The following FHOD3 variants were observed in gnomAD, a reference collection of about 807,000 sequenced individuals.
FHOD3 encodes formin homology 2 domain containing 3.
In FHOD3, 90 loss-of-function variants were observed where a neutral mutation model predicts 173.0. The ratio of observed to expected loss-of-function variants is 0.52; its 90% confidence interval spans 0.44 to 0.62. FHOD3 has a LOEUF of 0.62. Ranked by LOEUF, FHOD3 falls within the 20% of genes least tolerant of loss-of-function variation. The pLI is 0.00. For missense variants in FHOD3, 1,945 were observed against 2,034.7 expected, an observed-to-expected ratio of 0.96 and a Z score of 0.85; for synonymous variants, 828 against 823.0, an observed-to-expected ratio of 1.01 and a Z score of -0.10.
At chr18:36,299,881 C>T (rs1349249681) in intron 1 of FHOD3, among the ~76,000 whole-genome samples, 2 of 152,226 alleles carry the variant, frequency 1.3e-5, no homozygotes, top group Non-Finnish European at 2.9e-5. Flanking sequence ...TTGTTTTTCC[C>T]ATCTACAGCA....
In FHOD3 at chr18:36,717,750, G is replaced by A. The variant is rs79570519; in HGVS notation, c.2534-82G>A. On this transcript the variant is annotated intron_variant, in intron 18 of 28. Coordinates refer to ENST00000590592, the MANE Select transcript of FHOD3 (RefSeq NM_001281740.3). The stretch of plus-strand genomic sequence containing the variant: ...TCTCTGAAGTCACTCCCATGTGTCA[G>A]GCTCACTTATTCTCATCGATTCTCT... 2.7e-3 allele frequency: 4,028 copies of A among 1,492,144 alleles called. 95 individuals carry two copies. The African/African-American group carries it at 0.051, about 19-fold the overall frequency. 92.4% of individuals were successfully genotyped at this position (1,492,144 alleles called of 1,614,324 possible).
intron 3 of FHOD3, among the ~76,000 whole-genome samples, chr18:36,489,569 C>T (rs930641365): frequency 2.6e-5 from 4 of 151,910 alleles, no homozygotes; most frequent in South Asian, 2.1e-4. Context: ...CTACTTGGGA[C>T]GCTAAGGTGG....
At chr18:36,446,110 G>A (rs767590599) in intron 3 of FHOD3, among the ~76,000 whole-genome samples, 6 of 152,158 alleles carry the variant, frequency 3.9e-5, no homozygotes, top group Non-Finnish European at 8.8e-5. Flanking sequence ...CTGAGAAATA[G>A]TCCACAATTA....
chr18:36,706,067 G>A (rs749974545), intron 17 of FHOD3, among the ~76,000 whole-genome samples: 1 of 151,258 alleles, frequency 6.6e-6, no homozygotes, highest in East Asian at 2.0e-4. Flanking sequence ...TCTGGAGTTC[G>A]GTGTGGAGTC....
rs2038239049 is a variant in FHOD3, at chr18:36,681,558, GAAAC to G, written c.1962_1965del (p.Lys655SerfsTer6). ...TTGCAGAGAATAGAGCGGGAAGAAA[GAAAC>G]AAATTCAGGTAAGAAGGATCTTAAG... On this transcript the variant is annotated frameshift_variant, in exon 15 of 29. Transcript: ENST00000590592. LOFTEE classifies it high-confidence loss of function. 6.2e-7 allele frequency: 1 copy of G among 1,613,474 alleles called. No individual in the cohort carries two copies. The highest frequency in any genetic ancestry group is 8.5e-7 in the Non-Finnish European group (1 of 1,179,712).
chr18:36,690,086 C>T (rs987349383), intron 16 of FHOD3, among the ~76,000 whole-genome samples: 8 of 152,008 alleles, frequency 5.3e-5, no homozygotes, highest in African/African-American at 1.9e-4. Context: ...TGAGCTCTGG[C>T]GGATGTTGGA....
In FHOD3 at chr18:36,772,016, C is replaced by T. The variant is rs373130556; in HGVS notation, c.4786+2590C>T. On this transcript the variant is annotated intron_variant, in intron 28 of 28. Coordinates refer to ENST00000590592, the MANE Select transcript of FHOD3 (RefSeq NM_001281740.3). ...CATAATGTCACTGGGCACAATAACG[C>T]GGTCATAATTAATTTTCCTCTTCAA... Among the ~76,000 whole-genome samples the T allele has an allele frequency of 1.1e-4, 17 of 152,262 alleles. No individual in the cohort carries two copies. In the South Asian group the frequency reaches 1.9e-3, roughly 17 times the overall value.
At chr18:36,450,508 G>A (rs1425280599) in intron 3 of FHOD3, among the ~76,000 whole-genome samples, 1 of 151,644 alleles carries the variant, frequency 6.6e-6, no homozygotes, top group Non-Finnish European at 1.5e-5. Flanking sequence ...AAAACTCCCT[G>A]AGGCCAGGCA....
chr18:36,301,801 A>G (rs1166590614), intron 1 of FHOD3, among the ~76,000 whole-genome samples: 1 of 152,274 alleles, frequency 6.6e-6, no homozygotes, highest in Non-Finnish European at 1.5e-5. Flanking sequence ...CAACACTGGA[A>G]CTGTAGAATA....
chr18:36,653,495 A>G (rs2036205742), intron 13 of FHOD3, 79 bp downstream of exon 13: 2 of 1,041,952 alleles, frequency 1.9e-6, no homozygotes, highest in South Asian at 2.9e-5. Flanking sequence ...TTTTCAAAGA[A>G]TGCTAATATC....
chr18:36,494,813 C>T (rs1165734207), intron 3 of FHOD3, among the ~76,000 whole-genome samples: 3 of 152,124 alleles, frequency 2.0e-5, no homozygotes, highest in African/African-American at 7.2e-5. Flanking sequence ...TGATCTCAGC[C>T]CCCATTTCTG....
At chr18:36,340,267 G>T (rs1468632180) in intron 1 of FHOD3, among the ~76,000 whole-genome samples, 2 of 152,186 alleles carry the variant, frequency 1.3e-5, no homozygotes, top group African/African-American at 4.8e-5. Flanking sequence ...GCGTGAATTT[G>T]GTTATGTAGT....
intron 6 of FHOD3, among the ~76,000 whole-genome samples, chr18:36,582,437 T>C (rs1198245861): frequency 6.6e-6 from 1 of 152,250 alleles, no homozygotes; most frequent in African/African-American, 2.4e-5. Context: ...TACTTCTAGA[T>C]GCAGAGGGAT....
chr18:36,564,415 A>C lies in FHOD3; in HGVS notation c.512-12036A>C, dbSNP rs552948098. Among the ~76,000 whole-genome samples, 3 of 152,276 alleles carry C rather than the reference A, an allele frequency of 2.0e-5. No homozygotes were observed. In the South Asian group the frequency reaches 6.2e-4, roughly 32 times the overall value. On this transcript the variant is annotated intron_variant, in intron 5 of 28. Transcript: ENST00000590592. ...AAATATGGGGGACTGTAGAACGGGA[A>C]AGACTGGGAGAGGGTGAGGAGCATA...
At chr18:36,698,904 A>AAAGGAACC (rs1238427003) in intron 17 of FHOD3, among the ~76,000 whole-genome samples, 5 of 152,294 alleles carry the variant, frequency 3.3e-5, no homozygotes, top group Middle Eastern at 6.8e-3. Context: ...GAACCTGGGG[A>AAAGGAACC]AAGGAACCCT....
At chr18:36,550,827 T>A (rs1243112807) in intron 5 of FHOD3, among the ~76,000 whole-genome samples, 1 of 152,182 alleles carries the variant, frequency 6.6e-6, no homozygotes, top group Non-Finnish European at 1.5e-5. Context: ...TTCTGTAGAT[T>A]CCATAGGATC....
chr18:36,383,960 T>C (rs1326616783), intron 3 of FHOD3, among the ~76,000 whole-genome samples: 1 of 152,198 alleles, frequency 6.6e-6, no homozygotes, highest in Non-Finnish European at 1.5e-5. Flanking sequence ...CCCTTGATGC[T>C]ATAGCACAGG....
chr18:36,416,528 T>C (rs890758679), intron 3 of FHOD3, among the ~76,000 whole-genome samples: 5 of 152,180 alleles, frequency 3.3e-5, no homozygotes, highest in African/African-American at 9.7e-5. Context: ...TCCACAGCCA[T>C]TGGGTCAATA....
At chr18:36,549,114 T>A (rs1217003718) in intron 5 of FHOD3, among the ~76,000 whole-genome samples, 1 of 152,246 alleles carries the variant, frequency 6.6e-6, no homozygotes, top group African/African-American at 2.4e-5. Context: ...ATTTTAGCCA[T>A]TCTACTAGGT....
Sources: allele counts gnomAD v4.1 joint callset (sites outside exome capture counted in the v4.1 genomes callset), GRCh38; gene constraint gnomAD v4.1.1; transcripts MANE v1.5; gene names NCBI Gene and HGNC (gene_info 2026-07-23, HGNC 2026-07-21).